The following ZNF804B variants were observed in gnomAD, a reference collection of about 807,000 sequenced individuals.
ZNF804B encodes zinc finger protein 804B.
A neutral mutation model predicts 101.4 loss-of-function variants in ZNF804B; 80 were observed. The observed-to-expected ratio is 0.79, with a 90% confidence interval of 0.66 to 0.95. The LOEUF (loss-of-function observed/expected upper bound fraction) is 0.95, where lower values mean the gene tolerates loss of function less well. Among genes scored for constraint, ZNF804B ranks in the 40% least tolerant of loss-of-function variants. The probability of loss-of-function intolerance (pLI) is 0.00; values close to 1 mark genes in which losing one functional copy is unlikely to be tolerated. For missense variants in ZNF804B, 1,673 were observed against 1,561.9 expected (o/e 1.07, Z -1.20); for synonymous variants, 622 against 558.8 (o/e 1.11, Z -1.59).
intron 2 of ZNF804B, among the ~76,000 whole-genome samples, chr7:89,245,224 A>G (rs114501855): frequency 0.036 from 5,426 of 152,222 alleles, 303 homozygotes; most frequent in African/African-American, 0.12. Context: ...AAGTAAATAA[A>G]AACTCAGAAA....
At chr7:89,160,352 TA>T (rs1208142556) in intron 1 of ZNF804B, among the ~76,000 whole-genome samples, 1 of 152,140 alleles carries the variant, frequency 6.6e-6, no homozygotes, top group Non-Finnish European at 1.5e-5. Context: ...TGGCGATGAA[TA>T]ACCGTATGTG....
chr7:89,133,247 G>T (rs1456984747), intron 1 of ZNF804B, among the ~76,000 whole-genome samples: 1 of 152,014 alleles, frequency 6.6e-6, no homozygotes, highest in African/African-American at 2.4e-5. Context: ...CAGGATGCTA[G>T]ATTGGTTCAC....
intron 1 of ZNF804B, among the ~76,000 whole-genome samples, chr7:88,877,053 T>A (rs867425150): frequency 1.2e-3 from 59 of 49,052 alleles, no homozygotes; most frequent in African/African-American, 2.7e-3. Context: ...ATATATATTT[T>A]TTTTTTTTTT....
At position 89,015,477 on chromosome 7, in the gene ZNF804B, C is replaced by G. The variant is rs189747812; in HGVS notation, c.109-202678C>G. 4.7e-3 allele frequency among the ~76,000 whole-genome samples: 718 copies of G among 151,920 alleles called. 6 individuals carry two copies. Among genetic ancestry groups the G allele is most frequent in the African/African-American group, 0.016 (661 of 41,438 alleles). ...CATTAGGTATATCTCTTAAAGCTAT[C>G]CCTCCCCGCTCCCCCCACCCCACAA... On this transcript the variant is annotated intron_variant, in intron 1 of 3. Coordinates refer to ENST00000333190, the MANE Select transcript of ZNF804B (RefSeq NM_181646.5).
At chr7:89,125,341 A>C (rs1790463042) in intron 1 of ZNF804B, among the ~76,000 whole-genome samples, 2 of 151,914 alleles carry the variant, frequency 1.3e-5, no homozygotes, top group African/African-American at 2.4e-5. Context: ...TATATATATT[A>C]TATATCTATG....
intron 1 of ZNF804B, among the ~76,000 whole-genome samples, chr7:88,789,435 G>A (rs1225988624): frequency 6.6e-6 from 1 of 152,068 alleles, no homozygotes; most frequent in Non-Finnish European, 1.5e-5. Flanking sequence ...TTGTTACACT[G>A]TTATACCAGT....
At chr7:88,878,730 A>C (rs1385948246) in intron 1 of ZNF804B, among the ~76,000 whole-genome samples, 1 of 152,212 alleles carries the variant, frequency 6.6e-6, no homozygotes, top group Non-Finnish European at 1.5e-5. Flanking sequence ...TAACTAATAC[A>C]AATGCATCCA....
At chr7:89,160,722 T>C (rs7803327) in intron 1 of ZNF804B, among the ~76,000 whole-genome samples, 1 of 151,952 alleles carries the variant, frequency 6.6e-6, no homozygotes, top group Non-Finnish European at 1.5e-5. Flanking sequence ...ATCTTCTTTA[T>C]TATTATATCT....
At chr7:89,243,343 G>A (rs1230007084) in intron 2 of ZNF804B, among the ~76,000 whole-genome samples, 1 of 151,658 alleles carries the variant, frequency 6.6e-6, no homozygotes, top group Non-Finnish European at 1.5e-5. Context: ...AAGAAATAAT[G>A]GGGCTTCTCT....
At chr7:88,936,516 G>A (rs1218552236) in intron 1 of ZNF804B, among the ~76,000 whole-genome samples, 1 of 152,046 alleles carries the variant, frequency 6.6e-6, no homozygotes, top group African/African-American at 2.4e-5. Context: ...GTAGGCAATT[G>A]AGAGGGGTAG....
chr7:88,814,817 A>G (rs1358967510), intron 1 of ZNF804B, among the ~76,000 whole-genome samples: 1 of 152,010 alleles, frequency 6.6e-6, no homozygotes, highest in African/African-American at 2.4e-5. Flanking sequence ...TTCCTACAGA[A>G]AGATTTGAAT....
intron 1 of ZNF804B, among the ~76,000 whole-genome samples, chr7:89,120,570 A>G (rs1156244492): frequency 7.1e-6 from 1 of 141,622 alleles, no homozygotes; most frequent in Non-Finnish European, 1.5e-5. Context: ...AGGCAGGAGA[A>G]TGGCGTGAAC....
chr7:88,845,279 G>T (rs917119238), intron 1 of ZNF804B, among the ~76,000 whole-genome samples: 1 of 133,804 alleles, frequency 7.5e-6, no homozygotes, highest in East Asian at 2.4e-4. Flanking sequence ...GCATGTGTGC[G>T]CACGCGCGCG....
At chr7:88,951,840 G>A (rs892434586) in intron 1 of ZNF804B, among the ~76,000 whole-genome samples, 1 of 151,564 alleles carries the variant, frequency 6.6e-6, no homozygotes, top group South Asian at 2.1e-4. Flanking sequence ...ACTTCTAAAA[G>A]GATAAGTTTT....
chr7:88,843,932 TAATTGTTTATAAAGATTAAAA>T (rs941142670), intron 1 of ZNF804B, among the ~76,000 whole-genome samples: 9 of 152,152 alleles, frequency 5.9e-5, no homozygotes, highest in Non-Finnish European at 1.2e-4. Flanking sequence ...GGTAAACTTC[TAATTGTTTATAAAGATTAAAA>T]AATTGTTTAT....
At chr7:88,936,119 A>AT (rs1792965870) in intron 1 of ZNF804B, among the ~76,000 whole-genome samples, 1 of 150,314 alleles carries the variant, frequency 6.7e-6, no homozygotes, top group Admixed American at 6.6e-5. Flanking sequence ...TTTTAAAAAA[A>AT]ATAACATATG....
At chr7:88,975,486 T>G (rs968035453) in intron 1 of ZNF804B, among the ~76,000 whole-genome samples, 1 of 151,512 alleles carries the variant, frequency 6.6e-6, no homozygotes, top group Non-Finnish European at 1.5e-5. Flanking sequence ...TTAACAAGGA[T>G]GAGAAAGTAT....
intron 2 of ZNF804B, among the ~76,000 whole-genome samples, chr7:89,315,539 A>G (rs1790711786): frequency 6.6e-6 from 1 of 152,174 alleles, no homozygotes; most frequent in African/African-American, 2.4e-5. Context: ...ATAATTAAAT[A>G]TAGCATTGTT....
chr7:89,191,649 T>C (rs997437211), intron 1 of ZNF804B, among the ~76,000 whole-genome samples: 3 of 152,166 alleles, frequency 2.0e-5, no homozygotes, highest in Non-Finnish European at 1.5e-5. Context: ...TCATGAAATC[T>C]ATATTTTAAA....
Sources: allele counts gnomAD v4.1 joint callset (sites outside exome capture counted in the v4.1 genomes callset), GRCh38; gene constraint gnomAD v4.1.1; transcripts MANE v1.5; gene names NCBI Gene and HGNC (gene_info 2026-07-23, HGNC 2026-07-21).